The following CTBP2 variants were observed in gnomAD, a reference collection of about 807,000 sequenced individuals.
The protein encoded by CTBP2 is C-terminal binding protein 2.
CTBP2 carries 30 observed loss-of-function variants against 80.3 expected under a neutral mutation model. The observed-to-expected ratio is 0.37, with a 90% CI of 0.28 to 0.51. CTBP2 has a LOEUF of 0.51. CTBP2 is among the 20% of genes least tolerant of loss of function. CTBP2 has a pLI of 0.93. For synonymous variants in CTBP2, 594 were observed against 587.4 expected, an observed-to-expected ratio of 1.01 and a Z score of -0.16; for missense variants, 1,212 against 1,375.3, an observed-to-expected ratio of 0.88 and a Z score of 1.88.
intron 2 of CTBP2, among the ~76,000 whole-genome samples, chr10:125,095,678 T>A (rs1849435723): frequency 6.6e-6 from 1 of 152,204 alleles, no homozygotes; most frequent in Non-Finnish European, 1.5e-5. Flanking sequence ...GACTTTTCGA[T>A]GTTGGCAGAT....
At chr10:125,018,545 AAACC>A (rs763015075) in intron 1 of CTBP2, among the ~76,000 whole-genome samples, 2,248 of 122,940 alleles carry the variant, frequency 0.018, 40 homozygotes, top group African/African-American at 0.062. Flanking sequence ...AGACCAAACC[AAACC>A]AACCAACAAA....
intron 2 of CTBP2, among the ~76,000 whole-genome samples, chr10:125,081,856 G>A (rs1038726028): frequency 2.6e-5 from 4 of 152,034 alleles, no homozygotes; most frequent in African/African-American, 9.7e-5. Flanking sequence ...AAGACAGGCG[G>A]GTCAGGCAGG....
At position 125,003,383 on chromosome 10, in the gene CTBP2, A is replaced by G. The variant is rs371690339; in HGVS notation, c.1788T>C (p.Thr596=). The G allele has an allele frequency of 1.9e-6, 3 of 1,609,010 alleles. No individual in the cohort carries two copies. Among genetic ancestry groups the G allele is most frequent in the African/African-American group, 2.7e-5 (2 of 74,546 alleles). ...TCGACTGCGCGTCACAGAAGGCCACAGTGGCCAGGTCCTTCAGGATGGGCA... is the reference window on the plus strand; with the variant it reads ...TCGACTGCGCGTCACAGAAGGCCACGGTGGCCAGGTCCTTCAGGATGGGCA... The change falls in exon 2 of 9, where the codon ACT becomes ACC. Residue 596 remains threonine, a synonymous_variant. Transcript: ENST00000309035.
chr10:125,150,080 C>G (rs1008571622), intron 1 of CTBP2, among the ~76,000 whole-genome samples: 14 of 152,240 alleles, frequency 9.2e-5, no homozygotes, highest in Non-Finnish European at 1.8e-4. Flanking sequence ...TCTTCCCTGT[C>G]TCTTGACCCC....
intron 2 of CTBP2, among the ~76,000 whole-genome samples, chr10:125,088,520 A>G (rs991910380): frequency 5.9e-5 from 9 of 152,182 alleles, no homozygotes; most frequent in Non-Finnish European, 1.0e-4. Flanking sequence ...TCATCACTCA[A>G]TCAGCCTCAG....
chr10:125,003,600 G>T, intron 1 of CTBP2, 108 bp from the exon 4 acceptor site: 1 of 899,378 alleles, frequency 1.1e-6, no homozygotes, highest in Non-Finnish European at 1.6e-6. Context: ...GGCAAGCGAG[G>T]GTGGCGGAGC....
rs576780221 is a variant in CTBP2 at position 125,100,410 on chromosome 10, C to T, written c.-102+10580G>A. 1.4e-4 allele frequency among the ~76,000 whole-genome samples: 22 copies of T among 152,266 alleles called. No individual in the cohort carries two copies. The South Asian group carries it at 3.5e-3, about 24-fold the overall frequency. ...TCTGCACTTGGTAATTCCACTGTTC[C>T]GCTCATTTCCTAGGTAAGATACTGG... On this transcript the variant is annotated intron_variant, in intron 2 of 10. Transcript: ENST00000337195.
chr10:125,063,497 C>T (rs1476939432), intron 2 of CTBP2, among the ~76,000 whole-genome samples: 1 of 152,186 alleles, frequency 6.6e-6, no homozygotes, highest in East Asian at 1.9e-4. Context: ...CATGCACGAT[C>T]CTTTCTTGCT....
At chr10:125,158,677 T>G (rs760022600) in intron 1 of CTBP2, 10 of 152,224 alleles carry the variant, frequency 6.6e-5, no homozygotes, top group Non-Finnish European at 1.5e-4. Context: ...CGTAGGCCAT[T>G]GCCAGCAGCC....
At chr10:125,099,455 C>T (rs1000953041) in intron 2 of CTBP2, among the ~76,000 whole-genome samples, 1 of 152,142 alleles carries the variant, frequency 6.6e-6, no homozygotes, top group Admixed American at 6.5e-5. Flanking sequence ...GGGACATGAG[C>T]CCCAAGCTCC....
At chr10:125,065,897 C>T (rs1844544817) in intron 2 of CTBP2, among the ~76,000 whole-genome samples, 1 of 152,036 alleles carries the variant, frequency 6.6e-6, no homozygotes. Flanking sequence ...CCTAGGATAG[C>T]TTGAGACCAG....
At chr10:125,028,718 T>G (rs1035865897), upstream of CTBP2, among the ~76,000 whole-genome samples, 3 of 152,162 alleles carry the variant, frequency 2.0e-5, no homozygotes, top group African/African-American at 7.2e-5. Flanking sequence ...GGAGGATGGG[T>G]GACTAAACCT....
upstream of CTBP2, among the ~76,000 whole-genome samples, chr10:125,029,129 C>T (rs1957932898): frequency 6.6e-6 from 1 of 152,212 alleles, no homozygotes; most frequent in South Asian, 2.1e-4. Flanking sequence ...AACATGCATA[C>T]CTGCAAGCAT....
intron 2 of CTBP2, among the ~76,000 whole-genome samples, chr10:125,041,928 TAA>T (rs61316302): frequency 4.1e-5 from 5 of 123,210 alleles, no homozygotes; most frequent in African/African-American, 2.9e-5. Context: ...ATTCCACTAT[TAA>T]AAAAAAAAAA....
At chr10:125,055,466 A>C (rs2135262979) in intron 2 of CTBP2, among the ~76,000 whole-genome samples, 1 of 152,292 alleles carries the variant, frequency 6.6e-6, no homozygotes, top group African/African-American at 2.4e-5. Flanking sequence ...GAGGTCACCA[A>C]ATCCAAACTT....
At chr10:125,075,154 T>C (rs758069881) in intron 2 of CTBP2, among the ~76,000 whole-genome samples, 1 of 152,216 alleles carries the variant, frequency 6.6e-6, no homozygotes, top group Admixed American at 6.5e-5. Flanking sequence ...AAAAAGATTA[T>C]AGAGTGACAA....
At chr10:125,058,948 G>A (rs78453308) in intron 2 of CTBP2, among the ~76,000 whole-genome samples, 7,309 of 152,192 alleles carry the variant, frequency 0.048, 199 homozygotes, top group Non-Finnish European at 0.056. Context: ...TTCTTCACAC[G>A]GAGATTCCAC....
intron 2 of CTBP2, among the ~76,000 whole-genome samples, chr10:125,054,306 AGAGACTGTG>A (rs1255057289): frequency 6.6e-6 from 1 of 152,216 alleles, no homozygotes; most frequent in African/African-American, 2.4e-5. Context: ...TTAGGTTAAA[AGAGACTGTG>A]GCTACCAGTG....
chr10:125,094,272 C>T (rs1849216972), intron 2 of CTBP2, among the ~76,000 whole-genome samples: 1 of 152,172 alleles, frequency 6.6e-6, no homozygotes, highest in Non-Finnish European at 1.5e-5. Flanking sequence ...CAACATGTCA[C>T]CCTGACAAGG....
Sources: gnomAD v4.1 joint callset for allele counts (sites outside exome capture counted in the v4.1 genomes callset) on GRCh38, gnomAD v4.1.1 for gene constraint, MANE v1.5 for transcripts, NCBI Gene and HGNC (gene_info 2026-07-23, HGNC 2026-07-21) for gene names.